The following COL24A1 variants were observed in gnomAD, a reference collection of about 807,000 sequenced individuals.
The protein encoded by COL24A1 is collagen type XXIV alpha 1 chain, also known as collagen alpha-1(XXIV) chain.
In COL24A1, 224 loss-of-function variants were observed where a neutral mutation model predicts 253.9. The ratio of observed to expected loss-of-function variants is 0.88; its 90% CI spans 0.79 to 0.99. The LOEUF (loss-of-function observed/expected upper bound fraction) is 0.99, where lower values mean the gene tolerates loss of function less well. Ranked by LOEUF, COL24A1 falls within the 50% of genes least tolerant of loss-of-function variation. The pLI is 0.00. For missense variants in COL24A1, 2,131 were observed against 2,068.5 expected, an observed-to-expected ratio of 1.03 and a Z score of -0.59; for synonymous variants, 685 against 673.7, an observed-to-expected ratio of 1.02 and a Z score of -0.26.
intron 24 of COL24A1, among the ~76,000 whole-genome samples, chr1:85,934,555 A>G (rs913239805): frequency 6.6e-6 from 1 of 152,182 alleles, no homozygotes; most frequent in Admixed American, 6.6e-5. Context: ...TATCATGAAT[A>G]AGGTACTATA....
At position 85,775,669 on chromosome 1, in the gene COL24A1, C is replaced by A; in HGVS notation, c.4374+5G>T. 6.2e-7 allele frequency: 1 copy of A among 1,605,370 alleles called. No homozygotes were observed. The highest frequency in any genetic ancestry group is 1.7e-5 in the Admixed American group (1 of 58,202). ...TACTATAATCACAAATTTAGTTAAA[C>A]TTACAGTTTCACCTCTAAAGCCCTT... On this transcript the variant is annotated splice_donor_5th_base_variant and intron_variant, in intron 53 of 59. Transcript: ENST00000370571.
At chr1:86,022,503 T>TC (rs1332634211) in intron 17 of COL24A1, 35 bp downstream of exon 17, 2 of 1,558,000 alleles carry the variant, frequency 1.3e-6, no homozygotes. Flanking sequence ...TTACACTTTT[T>TC]CATATTTACA....
chr1:85,768,806 C>G (rs1421435888), intron 53 of COL24A1, among the ~76,000 whole-genome samples: 2 of 152,124 alleles, frequency 1.3e-5, no homozygotes, highest in Non-Finnish European at 2.9e-5. Context: ...CTCATTATTA[C>G]ATGGAGCTGA....
At chr1:86,117,819 C>T (rs1706300082) in intron 3 of COL24A1, among the ~76,000 whole-genome samples, 1 of 152,112 alleles carries the variant, frequency 6.6e-6, no homozygotes, top group Non-Finnish European at 1.5e-5. Context: ...AGTACAATTC[C>T]ATTTAAAAAG....
At chr1:86,121,201 T>A (rs1647290217) in intron 3 of COL24A1, among the ~76,000 whole-genome samples, 2 of 152,108 alleles carry the variant, frequency 1.3e-5, no homozygotes, top group South Asian at 4.1e-4. Flanking sequence ...AATGACGAGT[T>A]AATGGGTGCA....
chr1:86,049,249 A>G (rs1700134529), intron 11 of COL24A1, among the ~76,000 whole-genome samples: 1 of 152,238 alleles, frequency 6.6e-6, no homozygotes, highest in African/African-American at 2.4e-5. Flanking sequence ...CAGCATATTT[A>G]AACTCTTTGA....
At position 85,896,066 on chromosome 1, in the gene COL24A1, C is replaced by T; in HGVS notation, c.2833-1G>A. On this transcript the variant is annotated splice_acceptor_variant, in intron 29 of 59. Coordinates refer to ENST00000370571, the MANE Select transcript of COL24A1 (RefSeq NM_152890.7). LOFTEE classifies it high-confidence loss of function. ...TTTTTCCTTGATCTCCTTTTTCACCCTAACAAAGTATCAAAGCCAGGTGAG... is the reference window on the plus strand; with the variant it reads ...TTTTTCCTTGATCTCCTTTTTCACCTTAACAAAGTATCAAAGCCAGGTGAG... 6.2e-7 allele frequency: 1 copy of T among 1,612,738 alleles called. No individual in the cohort carries two copies. Among genetic ancestry groups the T allele is most frequent in the Non-Finnish European group, 8.5e-7 (1 of 1,179,476 alleles).
intron 5 of COL24A1, among the ~76,000 whole-genome samples, chr1:86,098,485 A>G (rs900442770): frequency 2.6e-5 from 4 of 152,198 alleles, no homozygotes; most frequent in Non-Finnish European, 5.9e-5. Flanking sequence ...AAGCAGGTGG[A>G]AGGCTGAAAG....
intron 32 of COL24A1, among the ~76,000 whole-genome samples, chr1:85,888,036 GT>G (rs35604219): frequency 4.0e-5 from 6 of 150,732 alleles, no homozygotes; most frequent in East Asian, 1.9e-4. Flanking sequence ...ACTTTTCCGT[GT>G]TTTTTTTTGT....
At chr1:85,989,331 A>G (rs965835154) in intron 19 of COL24A1, among the ~76,000 whole-genome samples, 2 of 152,024 alleles carry the variant, frequency 1.3e-5, no homozygotes, top group African/African-American at 4.8e-5. Flanking sequence ...GAATACTTTC[A>G]TATTTTTGAT....
chr1:85,808,275 C>G (rs932053183), intron 47 of COL24A1, among the ~76,000 whole-genome samples: 17 of 152,338 alleles, frequency 1.1e-4, no homozygotes, highest in Admixed American at 7.8e-4. Flanking sequence ...ATCTGTTTTA[C>G]TCATGTGTTT....
At chr1:86,093,724 T>C (rs1389507453) in intron 5 of COL24A1, among the ~76,000 whole-genome samples, 1 of 152,018 alleles carries the variant, frequency 6.6e-6, no homozygotes, top group East Asian at 1.9e-4. Context: ...GGGAGAACAT[T>C]TTTGCAAACT....
chr1:86,047,536 A>C (rs1223351711), intron 11 of COL24A1, among the ~76,000 whole-genome samples: 2 of 152,174 alleles, frequency 1.3e-5, no homozygotes, highest in Non-Finnish European at 2.9e-5. Flanking sequence ...TTCTTCATCT[A>C]TGATGAGAAG....
At chr1:85,762,060 T>C (rs570082981) in intron 53 of COL24A1, among the ~76,000 whole-genome samples, 30 of 152,202 alleles carry the variant, frequency 2.0e-4, no homozygotes, top group Admixed American at 1.6e-3. Flanking sequence ...TTAATTAGTA[T>C]TAATTTAGAA....
At chr1:85,919,963 T>A (rs1292509442) in intron 24 of COL24A1, among the ~76,000 whole-genome samples, 2 of 152,204 alleles carry the variant, frequency 1.3e-5, no homozygotes, top group Non-Finnish European at 2.9e-5. Context: ...GAAAGTGCAC[T>A]GAATCAATTT....
chr1:86,063,349 G>GTA (rs1434633833), intron 8 of COL24A1, among the ~76,000 whole-genome samples: 85 of 148,724 alleles, frequency 5.7e-4, no homozygotes, highest in African/African-American at 2.0e-3. Flanking sequence ...AAAAAATTAA[G>GTA]TCTCTCTCTC....
At chr1:85,876,305 G>C (rs1249860494) in intron 33 of COL24A1, among the ~76,000 whole-genome samples, 1 of 152,064 alleles carries the variant, frequency 6.6e-6, no homozygotes, top group African/African-American at 2.4e-5. Flanking sequence ...GAGAGGATTA[G>C]GTAGAAGAAG....
intron 19 of COL24A1, among the ~76,000 whole-genome samples, chr1:86,014,549 C>A (rs1332979422): frequency 6.6e-6 from 1 of 152,064 alleles, no homozygotes; most frequent in African/African-American, 2.4e-5. Flanking sequence ...GGCCTTTGAA[C>A]CCTAACAGAT....
At chr1:85,817,988 G>A (rs781464106) in intron 46 of COL24A1, 46 bp downstream of exon 46, 11 of 1,536,604 alleles carry the variant, frequency 7.2e-6, no homozygotes, top group African/African-American at 1.4e-5. Flanking sequence ...AAAGTTGCCA[G>A]TTCCATTTAG....
Sources: gnomAD v4.1 joint callset for allele counts (sites outside exome capture counted in the v4.1 genomes callset) on GRCh38, gnomAD v4.1.1 for gene constraint, MANE v1.5 for transcripts, NCBI Gene and HGNC (gene_info 2026-07-23, HGNC 2026-07-21) for gene names.